The following OSBPL3 variants were observed in gnomAD, a reference collection of about 807,000 sequenced individuals.
OSBPL3 encodes oxysterol binding protein like 3, also known as oxysterol-binding protein-related protein 3.
Under a neutral mutation model 120.1 loss-of-function variants are expected in OSBPL3, and 65 were observed. The observed-to-expected ratio is 0.54, with a 90% CI of 0.44 to 0.67. The LOEUF is 0.67. OSBPL3 is among the 30% of genes least tolerant of loss of function. OSBPL3 has a pLI of 0.00. For missense variants in OSBPL3, 1,004 were observed against 1,082.1 expected (o/e 0.93, Z 1.01); for synonymous variants, 416 against 402.6 (o/e 1.03, Z -0.40).
chr7:24,895,935 C>G (rs1806070551), intron 1 of OSBPL3, among the ~76,000 whole-genome samples: 1 of 152,150 alleles, frequency 6.6e-6, no homozygotes, highest in African/African-American at 2.4e-5. Context: ...ATATAATCAT[C>G]AGCTGGATCA....
chr7:24,869,089 CTACACT>C (rs2128277753), intron 5 of OSBPL3, among the ~76,000 whole-genome samples: 1 of 152,178 alleles, frequency 6.6e-6, no homozygotes, highest in East Asian at 1.9e-4. Flanking sequence ...GCTCAGATAA[CTACACT>C]TACCTACACT....
rs866322197 is a variant in OSBPL3 at position 24,916,918 on chromosome 7, A to C, written c.-149-24297T>G. 2.1e-3 allele frequency among the ~76,000 whole-genome samples: 306 copies of C among 145,622 alleles called. No homozygotes were observed. Among genetic ancestry groups the C allele is most frequent in the Middle Eastern group, 7.1e-3 (2 of 280 alleles). The stretch of plus-strand genomic sequence containing the variant: ...AGCCACTAAGACGTCTTCCATTTCC[A>C]CCCCCCCCAACCTTTTTAGAAAATT... On this transcript the variant is annotated intron_variant, in intron 1 of 22. Transcript: ENST00000313367. The surrounding 1 kb of genome is among the most constrained non-coding windows in gnomAD (Gnocchi z 4.9).
rs1812979368 is a variant in OSBPL3, at chr7:24,940,684, T to C, written c.-150+39202A>G. ...GGAGATGAGGAACGGTGAATGAAGA[T>C]GTCAGGTAAGTCCTCAATATAAGCA... On this transcript the variant is annotated intron_variant, in intron 1 of 22. Transcript: ENST00000313367. This position sits in a 1 kb window ranked among gnomAD's most constrained non-coding sequence, Gnocchi z 4.4. 1.3e-5 allele frequency among the ~76,000 whole-genome samples: 2 copies of C among 152,046 alleles called. No individual in the cohort carries two copies. Among genetic ancestry groups the C allele is most frequent in the Non-Finnish European group, 2.9e-5 (2 of 67,998 alleles).
chr7:24,965,923 G>T lies in OSBPL3; in HGVS notation c.-150+13963C>A, dbSNP rs1222887314. ...AGGTTTAGAACCACTTCCCTCAAGG[G>T]TGTGTCCCATTCATGTGGCCCCACC... On this transcript the variant is annotated intron_variant, in intron 1 of 22. Transcript: ENST00000313367. This position sits in a 1 kb window ranked among gnomAD's most constrained non-coding sequence, Gnocchi z 4.3. 6.6e-6 allele frequency among the ~76,000 whole-genome samples: 1 copy of T among 152,146 alleles called. No homozygotes were observed. Among genetic ancestry groups the T allele is most frequent in the Non-Finnish European group, 1.5e-5 (1 of 68,036 alleles).
intron 1 of OSBPL3, among the ~76,000 whole-genome samples, chr7:24,911,843 G>GA (rs1458037900): frequency 6.6e-6 from 1 of 152,064 alleles, no homozygotes; most frequent in African/African-American, 2.4e-5. Flanking sequence ...GTGCAAACTG[G>GA]AAAAAAGAGA....
intron 1 of OSBPL3, among the ~76,000 whole-genome samples, chr7:24,909,218 T>C (rs1442494764): frequency 6.6e-6 from 1 of 152,208 alleles, no homozygotes; most frequent in Non-Finnish European, 1.5e-5. Flanking sequence ...CTCCCCTTCT[T>C]TAATAATAGA....
rs76754701 is a variant in OSBPL3, at chr7:24,923,578, G to C, written c.-149-30957C>G. Reference sequence around the variant, plus strand: ...GGACGGCAGGGCAGAGAGAGGGAGGGAGAGACTAAAAGATAAGAGAGATTG... The same window carrying C: ...GGACGGCAGGGCAGAGAGAGGGAGGCAGAGACTAAAAGATAAGAGAGATTG... On this transcript the variant is annotated intron_variant, in intron 1 of 22. Coordinates refer to ENST00000313367, the MANE Select transcript of OSBPL3 (RefSeq NM_015550.4). Among the ~76,000 whole-genome samples the C allele has an allele frequency of 3.0e-3, 450 of 152,228 alleles. 2 individuals are homozygous for C. The highest frequency in any genetic ancestry group is 0.014 in the Middle Eastern group (4 of 294).
Position 24,834,413 on chromosome 7 carries a change from G to T in OSBPL3, c.1746+73C>A, listed in dbSNP as rs771895120. ...CGGAGGGAACAGGGGCTGTCTCTCT[G>T]ATGGGCCCCGTGAATGGCCTCGTGG... On this transcript the variant is annotated intron_variant, in intron 15 of 22. Coordinates refer to ENST00000313367, the MANE Select transcript of OSBPL3 (RefSeq NM_015550.4). This position sits in a 1 kb window ranked among gnomAD's most constrained non-coding sequence, Gnocchi z 5.2. 6.4e-7 allele frequency: 1 copy of T among 1,553,614 alleles called. No homozygotes were observed. Among genetic ancestry groups the T allele is most frequent in the Non-Finnish European group, 8.7e-7 (1 of 1,150,792 alleles).
At chr7:24,892,709 C>T (rs1207663116) in intron 1 of OSBPL3, 88 bp from the exon 2 acceptor site, 3 of 914,466 alleles carry the variant, frequency 3.3e-6, no homozygotes, top group African/African-American at 3.3e-5. Flanking sequence ...CTTAAACATA[C>T]TACAGATTAC....
rs757231270 is a variant in OSBPL3, at chr7:24,806,752, G to C, written c.2444+24C>G. The C allele has an allele frequency of 1.9e-6, 3 of 1,610,744 alleles. No homozygotes were observed. Among genetic ancestry groups the C allele is most frequent in the Non-Finnish European group, 2.5e-6 (3 of 1,178,328 alleles). ...GTAAAGGGTTTTACATCTCTGGAGA[G>C]AAAAATCTTTAAAAAATCCTTACCT... On this transcript the variant is annotated intron_variant, in intron 21 of 22. Transcript: ENST00000313367. This position sits in a 1 kb window ranked among gnomAD's most constrained non-coding sequence, Gnocchi z 5.2.
intron 15 of OSBPL3, among the ~76,000 whole-genome samples, chr7:24,832,509 C>CAGA (rs1796508936): frequency 1.0e-5 from 1 of 96,688 alleles, no homozygotes; most frequent in African/African-American, 3.7e-5. Context: ...GACTCTGCCT[C>CAGA]AAAGAAAAAA....
Position 24,842,267 on chromosome 7 carries a change from C to T in OSBPL3, c.1401+12G>A. The T allele has an allele frequency of 6.2e-7, 1 of 1,612,048 alleles. No individual in the cohort carries two copies. The highest frequency in any genetic ancestry group is 2.2e-5 in the East Asian group (1 of 44,846). On this transcript the variant is annotated intron_variant, in intron 13 of 22. Coordinates refer to ENST00000313367, the MANE Select transcript of OSBPL3 (RefSeq NM_015550.4). ...GATTTTTGAGGCACCATACTGTAAACATTGCTCAAACCTCGTTTTCTGAAG... is the reference window on the plus strand; with the variant it reads ...GATTTTTGAGGCACCATACTGTAAATATTGCTCAAACCTCGTTTTCTGAAG...
At chr7:24,844,737 T>C (rs1264032353) in intron 12 of OSBPL3, among the ~76,000 whole-genome samples, 2 of 152,182 alleles carry the variant, frequency 1.3e-5, no homozygotes, top group Non-Finnish European at 2.9e-5. Flanking sequence ...AAAAGCAAAT[T>C]AAATAAATAT....
rs557586137 is a variant in OSBPL3 at position 24,916,026 on chromosome 7, C to G, written c.-149-23405G>C. Among the ~76,000 whole-genome samples the G allele has an allele frequency of 2.0e-5, 3 of 152,262 alleles. No homozygotes were observed. In the South Asian group the frequency reaches 6.2e-4, roughly 32 times the overall value. On this transcript the variant is annotated intron_variant, in intron 1 of 22. Coordinates refer to ENST00000313367, the MANE Select transcript of OSBPL3 (RefSeq NM_015550.4). The surrounding 1 kb of genome is among the most constrained non-coding windows in gnomAD (Gnocchi z 4.9). ...CCTAACAAAACAAAAATAAAACAAG[C>G]AGCATACATCAGAAAGCCAGGCAGG...
In OSBPL3 at chr7:24,972,359, C is replaced by A. The variant is rs924541060; in HGVS notation, c.-150+7527G>T. On this transcript the variant is annotated intron_variant, in intron 1 of 22. Coordinates refer to ENST00000313367, the MANE Select transcript of OSBPL3 (RefSeq NM_015550.4). The surrounding 1 kb of genome is among the most constrained non-coding windows in gnomAD (Gnocchi z 4.3). Reference sequence around the variant, plus strand: ...GGATTCCCCAGCCACATTCTCTTTTCTCTTCCTTCAGCAACCTGAATCACA... The same window carrying A: ...GGATTCCCCAGCCACATTCTCTTTTATCTTCCTTCAGCAACCTGAATCACA... 6.6e-5 allele frequency among the ~76,000 whole-genome samples: 10 copies of A among 152,338 alleles called. No homozygotes were observed. The highest frequency in any genetic ancestry group is 3.4e-3 in the Middle Eastern group (1 of 294).
At chr7:24,970,414 C>T (rs1816875899) in intron 1 of OSBPL3, among the ~76,000 whole-genome samples, 1 of 152,158 alleles carries the variant, frequency 6.6e-6, no homozygotes, top group African/African-American at 2.4e-5. Context: ...CCCCTTCATC[C>T]CTTTCTTTAT....
intron 1 of OSBPL3, among the ~76,000 whole-genome samples, chr7:24,973,260 T>C (rs1332677123): frequency 2.0e-5 from 3 of 152,240 alleles, no homozygotes; most frequent in Admixed American, 1.3e-4. Flanking sequence ...CAGATATTTT[T>C]TTCATAAGTA....
At chr7:24,841,688 AT>A (rs1797765557) in intron 13 of OSBPL3, among the ~76,000 whole-genome samples, 1 of 101,570 alleles carries the variant, frequency 9.8e-6, no homozygotes, top group African/African-American at 4.4e-5. Flanking sequence ...GAATGAGACT[AT>A]GTCTCAAAAA....
In OSBPL3 at chr7:24,820,166, G is replaced by A. The variant is rs376633976; in HGVS notation, c.1948+9C>T. ...AATATGATGGAAGTAAAATGTATTA[G>A]CACATTACCTTGCCAGAAAACAAAA... On this transcript the variant is annotated intron_variant, in intron 17 of 22. Transcript: ENST00000313367. This position sits in a 1 kb window ranked among gnomAD's most constrained non-coding sequence, Gnocchi z 4.6. The A allele has an allele frequency of 1.2e-5, 19 of 1,572,440 alleles. No individual in the cohort carries two copies. The highest frequency in any genetic ancestry group is 1.7e-5 in the Non-Finnish European group (19 of 1,143,434).
Sources: gnomAD v4.1 joint callset for allele counts (sites outside exome capture counted in the v4.1 genomes callset) on GRCh38, gnomAD v4.1.1 for gene constraint, Gnocchi (gnomAD v3.1) non-coding constraint, MANE v1.5 for transcripts, NCBI Gene and HGNC (gene_info 2026-07-23, HGNC 2026-07-21) for gene names.